STARD9: variants seen among roughly 807,000 people sequenced by gnomAD.
STARD9 encodes the protein stAR-related lipid transfer protein 9.
Under a neutral mutation model 399.8 loss-of-function variants are expected in STARD9, and 346 were observed. The ratio of observed to expected loss-of-function variants is 0.87; its 90% confidence interval spans 0.79 to 0.95. The LOEUF (loss-of-function observed/expected upper bound fraction) is 0.95, where lower values mean the gene tolerates loss of function less well. STARD9 is among the 40% of genes least tolerant of loss of function. STARD9 has a pLI of 0.00. For missense variants in STARD9, 5,832 were observed against 5,667.5 expected (o/e 1.03, Z -0.93); for synonymous variants, 2,203 against 2,143.5 (o/e 1.03, Z -0.77).
At chr15:42,605,074 A>G (rs188015517) in intron 3 of STARD9, among the ~76,000 whole-genome samples, 1 of 152,308 alleles carries the variant, frequency 6.6e-6, no homozygotes, top group Admixed American at 6.5e-5. Context: ...AAAAAGATCA[A>G]AGACTTCTCA....
intron 7 of STARD9, among the ~76,000 whole-genome samples, chr15:42,639,021 A>G (rs1302609742): frequency 6.7e-6 from 1 of 149,980 alleles, no homozygotes; most frequent in Non-Finnish European, 1.5e-5. Flanking sequence ...CAGGAAACAA[A>G]CAATTACAAG....
chr15:42,695,856 C>T lies in STARD9; in HGVS notation c.13260C>T (p.Gly4420=), dbSNP rs575843377. 2 of 1,537,164 alleles carry T rather than the reference C, an allele frequency of 1.3e-6. No individual in the cohort carries two copies. Among genetic ancestry groups the T allele is most frequent in the South Asian group, 1.2e-5 (1 of 84,048 alleles). Residue 4420 remains glycine, a synonymous_variant, in exon 26 of 33, where the codon GGC becomes GGT. Coordinates refer to ENST00000290607, the MANE Select transcript of STARD9 (RefSeq NM_020759.3). ...SGYNSSPALS[G]QLQFPENMGH... ...ATAATAGCAGCCCAGCCTTGTCAGG[C>T]CAGCTCCAGTTCCCAGAGAATATGG...
Position 42,690,623 on chromosome 15 carries a change from G to A in STARD9, c.9045G>A (p.Arg3015=). The A allele has an allele frequency of 1.3e-6, 2 of 1,537,188 alleles. No homozygotes were observed. Among genetic ancestry groups the A allele is most frequent in the Non-Finnish European group, 1.7e-6 (2 of 1,146,894 alleles). ...TGGATGAGACAGGAGAGATCTCTAGGGGACCTGATGTGCACTTGACACATG... is the reference window on the plus strand; with the variant it reads ...TGGATGAGACAGGAGAGATCTCTAGAGGACCTGATGTGCACTTGACACATG... The part of the protein sequence containing the change: ...YEMDETGEIS[R]GPDVHLTHGL... The change falls in exon 23 of 33, where the codon AGG becomes AGA. Residue 3015 remains arginine, a synonymous_variant. Coordinates refer to ENST00000290607, the MANE Select transcript of STARD9 (RefSeq NM_020759.3).
intron 3 of STARD9, among the ~76,000 whole-genome samples, chr15:42,607,760 T>C (rs919660289): frequency 1.3e-5 from 2 of 152,152 alleles, no homozygotes; most frequent in Non-Finnish European, 2.9e-5. Context: ...CTTCCAAGTA[T>C]TTATTTTCTA....
At chr15:42,624,234 A>G (rs1358244303) in intron 3 of STARD9, among the ~76,000 whole-genome samples, 2 of 152,204 alleles carry the variant, frequency 1.3e-5, no homozygotes, top group Non-Finnish European at 2.9e-5. Context: ...ATGCTTTCCC[A>G]TGCTATATAC....
At chr15:42,576,334 C>T (rs991990571) in intron 1 of STARD9, among the ~76,000 whole-genome samples, 1 of 152,182 alleles carries the variant, frequency 6.6e-6, no homozygotes, top group African/African-American at 2.4e-5. Flanking sequence ...TCTCTCAGAG[C>T]CCTCAGTGCC....
intron 9 of STARD9, among the ~76,000 whole-genome samples, chr15:42,654,494 G>T (rs1013592844): frequency 6.6e-6 from 1 of 152,126 alleles, no homozygotes; most frequent in Non-Finnish European, 1.5e-5. Flanking sequence ...TCAAACTGTT[G>T]CTGTTCGCTG....
At chr15:42,715,754 C>T (rs919391120) in intron 26 of STARD9, among the ~76,000 whole-genome samples, 7 of 152,130 alleles carry the variant, frequency 4.6e-5, no homozygotes, top group South Asian at 2.1e-4. Flanking sequence ...GGTGATCTAC[C>T]GCCTTGGCCT....
At chr15:42,653,911 A>G (rs1187707147) in intron 9 of STARD9, among the ~76,000 whole-genome samples, 1 of 152,202 alleles carries the variant, frequency 6.6e-6, no homozygotes, top group Non-Finnish European at 1.5e-5. Context: ...GTACATTGTC[A>G]TATATGAAAA....
In STARD9 at chr15:42,695,296, C is replaced by T. The variant is rs996716519; in HGVS notation, c.13119C>T (p.His4373=). 8 of 1,535,926 alleles carry T rather than the reference C, an allele frequency of 5.2e-6. No individual in the cohort carries two copies. In the South Asian group the frequency reaches 8.3e-5, roughly 16 times the overall value. Residue 4373 remains histidine (H), a synonymous_variant, in exon 25 of 33, where the codon CAC becomes CAT. Coordinates refer to ENST00000290607, the MANE Select transcript of STARD9 (RefSeq NM_020759.3). ...CTGAACAAGAGAAGCTGAGAATCCA[C>T]CAGAAGATCATTTCCCAGCTATTGA... ...ERTEQEKLRI[H]QKIISQLLKE...
chr15:42,659,588 G>A (rs1259264584), intron 9 of STARD9, among the ~76,000 whole-genome samples: 9 of 152,122 alleles, frequency 5.9e-5, no homozygotes, highest in Admixed American at 3.3e-4. Context: ...GGGCAGTGGC[G>A]CGATCTTGGC....
At position 42,695,336 on chromosome 15, in the gene STARD9, G is replaced by T. The variant is rs1363122322; in HGVS notation, c.13146+13G>T. ...CCAGCTATTGAAGGTGTGGAGTGGG[G>T]CATGCCTCTGATTTCAGGATAGGCC... On this transcript the variant is annotated intron_variant, in intron 25 of 32. Coordinates refer to ENST00000290607, the MANE Select transcript of STARD9 (RefSeq NM_020759.3). The T allele has an allele frequency of 6.6e-7, 1 of 1,519,160 alleles. No individual in the cohort carries two copies. Among genetic ancestry groups the T allele is most frequent in the Non-Finnish European group, 8.8e-7 (1 of 1,135,378 alleles). The allele number at this position is 1,519,160 out of a possible 1,614,324, so 94.1% of individuals were successfully genotyped here. A position where few individuals can be genotyped will look rare whatever the true frequency, so the allele number is the denominator to read the frequency against.
At chr15:42,701,226 T>C (rs181928223) in intron 26 of STARD9, among the ~76,000 whole-genome samples, 1 of 152,336 alleles carries the variant, frequency 6.6e-6, no homozygotes, top group African/African-American at 2.4e-5. Context: ...TTTCTTTGGC[T>C]GTTTGGGGTC....
At chr15:42,709,788 A>G (rs951437845) in intron 26 of STARD9, among the ~76,000 whole-genome samples, 10 of 152,200 alleles carry the variant, frequency 6.6e-5, no homozygotes, top group Non-Finnish European at 1.0e-4. Context: ...CTTACCTGTA[A>G]AAATTATTAC....
chr15:42,597,972 G>GT (rs1191100114), intron 3 of STARD9, among the ~76,000 whole-genome samples: 2 of 144,434 alleles, frequency 1.4e-5, no homozygotes, highest in African/African-American at 2.6e-5. Flanking sequence ...CTCCCAGCCT[G>GT]TGTGTGTGTG....
At chr15:42,631,296 A>G (rs1184460891) in intron 3 of STARD9, among the ~76,000 whole-genome samples, 1 of 152,088 alleles carries the variant, frequency 6.6e-6, no homozygotes, top group Admixed American at 6.6e-5. Context: ...GTTTCAAGAA[A>G]TTTAGGCCAG....
chr15:42,611,482 A>G lies in STARD9; in HGVS notation c.235-23374A>G, dbSNP rs74012604. On this transcript the variant is annotated intron_variant, in intron 3 of 32. Coordinates refer to ENST00000290607, the MANE Select transcript of STARD9 (RefSeq NM_020759.3). ...TCTTTTGGATCTTTAGTCCAGCATC[A>G]CCTTTTAAATATACTATCCTTTAGA... Among the ~76,000 whole-genome samples, 314 of 152,264 alleles carry G rather than the reference A, an allele frequency of 2.1e-3. 2 individuals carry two copies. The highest frequency in any genetic ancestry group is 7.4e-3 in the African/African-American group (307 of 41,534).
At position 42,690,653 on chromosome 15, in the gene STARD9, T is replaced by C; in HGVS notation, c.9075T>C (p.Leu3025=). ...RGPDVHLTHG[L]EPKDVNREFR... ...CTGATGTGCACTTGACACATGGCCT[T>C]GAGCCCAAAGATGTTAACAGGGAAT... The change falls in exon 23 of 33, where the codon CTT becomes CTC. Residue 3025 remains leucine, a synonymous_variant. Transcript: ENST00000290607. 6.5e-7 allele frequency: 1 copy of C among 1,537,232 alleles called. No individual in the cohort carries two copies. Among genetic ancestry groups the C allele is most frequent in the Non-Finnish European group, 8.7e-7 (1 of 1,146,892 alleles).
At chr15:42,697,996 A>T (rs1318954507) in intron 26 of STARD9, among the ~76,000 whole-genome samples, 1 of 152,176 alleles carries the variant, frequency 6.6e-6, no homozygotes, top group East Asian at 1.9e-4. Flanking sequence ...ATGCATACAA[A>T]ATAAAGCATA....
Sources: allele counts gnomAD v4.1 joint callset (sites outside exome capture counted in the v4.1 genomes callset), GRCh38; gene constraint gnomAD v4.1.1; transcripts MANE v1.5; gene names NCBI Gene and HGNC (gene_info 2026-07-23, HGNC 2026-07-21).